The following FAM76A variants were observed in gnomAD, a reference collection of about 807,000 sequenced individuals.
The protein encoded by FAM76A is protein FAM76A.
Under a neutral mutation model 46.2 loss-of-function variants are expected in FAM76A, and 32 were observed. The ratio of observed to expected loss-of-function variants is 0.69; its 90% CI spans 0.52 to 0.93. FAM76A has a LOEUF of 0.93. FAM76A is among the 40% of genes least tolerant of loss of function. The probability of loss-of-function intolerance (pLI) is 0.00; values close to 1 mark genes in which losing one functional copy is unlikely to be tolerated. For synonymous variants in FAM76A, 137 were observed against 127.0 expected (o/e 1.08, Z -0.53); for missense variants, 274 against 361.5 (o/e 0.76, Z 1.96).
At chr1:27,747,407 T>C (rs913989182) in intron 5 of FAM76A, among the ~76,000 whole-genome samples, 3 of 152,234 alleles carry the variant, frequency 2.0e-5, no homozygotes, top group Non-Finnish European at 4.4e-5. Flanking sequence ...GTATCAGTGG[T>C]ATCAAATGCT....
At chr1:27,741,142 AAAC>A (rs1379358189) in intron 4 of FAM76A, among the ~76,000 whole-genome samples, 33 of 151,970 alleles carry the variant, frequency 2.2e-4, no homozygotes, top group East Asian at 3.9e-4. Flanking sequence ...CAAAAAAAAA[AAAC>A]AACAACAATT....
intron 6 of FAM76A, among the ~76,000 whole-genome samples, chr1:27,750,888 A>G (rs2088319805): frequency 6.6e-6 from 1 of 152,228 alleles, no homozygotes; most frequent in African/African-American, 2.4e-5. Flanking sequence ...GATCATTTTG[A>G]CCAGGCACAG....
intron 8 of FAM76A, 96 bp downstream of exon 8, chr1:27,759,723 T>C: frequency 2.3e-6 from 2 of 866,860 alleles, no homozygotes; most frequent in South Asian, 3.4e-5. Context: ...AGATTTCTTT[T>C]TTTTCTCAAA....
At chr1:27,728,509 C>G (rs559163476) in intron 2 of FAM76A, among the ~76,000 whole-genome samples, 2 of 152,136 alleles carry the variant, frequency 1.3e-5, no homozygotes, top group African/African-American at 4.8e-5. Context: ...TGTGCCACCA[C>G]GCCCAGCTAA....
intron 4 of FAM76A, among the ~76,000 whole-genome samples, chr1:27,744,166 G>A (rs1233078191): frequency 6.6e-6 from 1 of 152,144 alleles, no homozygotes; most frequent in East Asian, 1.9e-4. Context: ...GTCACGCTCT[G>A]TTGCCAGGCT....
At chr1:27,758,472 A>C (rs1007994669) in intron 7 of FAM76A, among the ~76,000 whole-genome samples, 1 of 152,134 alleles carries the variant, frequency 6.6e-6, no homozygotes, top group Non-Finnish European at 1.5e-5. Context: ...ACTTGTTTCT[A>C]CTGCTTTGCA....
At chr1:27,758,224 C>T (rs10794504) in intron 7 of FAM76A, among the ~76,000 whole-genome samples, 24,345 of 152,100 alleles carry the variant, frequency 0.16, 5,043 homozygotes, top group African/African-American at 0.48. Context: ...TTAATATGTC[C>T]AAACCACACA....
chr1:27,728,602 G>A (rs554732033), intron 2 of FAM76A, among the ~76,000 whole-genome samples: 4 of 151,824 alleles, frequency 2.6e-5, no homozygotes, highest in East Asian at 1.9e-4. Context: ...TTCCTTCCTC[G>A]TTAGCCTCTC....
At chr1:27,753,291 C>A (rs1260969671) in intron 6 of FAM76A, among the ~76,000 whole-genome samples, 1 of 152,172 alleles carries the variant, frequency 6.6e-6, no homozygotes, top group Non-Finnish European at 1.5e-5. Flanking sequence ...TCACAAGAAG[C>A]AGGAAGGGTA....
At position 27,760,626 on chromosome 1, in the gene FAM76A, A is replaced by G; in HGVS notation, c.*45A>G. 1.4e-6 allele frequency: 2 copies of G among 1,453,180 alleles called. No individual in the cohort carries two copies. Among genetic ancestry groups the G allele is most frequent in the South Asian group, 1.2e-5 (1 of 81,946 alleles). The allele number at this position is 1,453,180 out of a possible 1,614,324, so 90.0% of individuals were successfully genotyped here. A position where few individuals can be genotyped will look rare whatever the true frequency, so the allele number is the denominator to read the frequency against. On this transcript the variant is annotated 3_prime_UTR_variant, in exon 9 of 9. Transcript: ENST00000373954. ...CTAGCAACAGCAAATGGAGTTGTCC[A>G]GGGTTAGGGTTGGAGACCTGGCTGT...
chr1:27,735,200 T>C (rs1351049969), intron 4 of FAM76A, among the ~76,000 whole-genome samples: 2 of 152,222 alleles, frequency 1.3e-5, no homozygotes, highest in African/African-American at 2.4e-5. Context: ...AACTGGCTCC[T>C]CATGTCAGGT....
chr1:27,755,072 G>A (rs1287210241), intron 6 of FAM76A, 123 bp from the exon 7 acceptor site: 2 of 1,059,530 alleles, frequency 1.9e-6, no homozygotes, highest in African/African-American at 3.2e-5. Flanking sequence ...GTGGTGCAAT[G>A]TGCTTGATGC....
At chr1:27,738,865 G>T (rs1302270504) in intron 4 of FAM76A, among the ~76,000 whole-genome samples, 1 of 152,180 alleles carries the variant, frequency 6.6e-6, no homozygotes, top group Non-Finnish European at 1.5e-5. Context: ...AAACTAGGAT[G>T]ATGAAAAGGT....
At position 27,744,728 on chromosome 1, in the gene FAM76A, G is replaced by T. The variant is rs753817236; in HGVS notation, c.429G>T (p.Arg143Ser). The T allele has an allele frequency of 1.5e-5, 25 of 1,614,032 alleles. No individual in the cohort carries two copies. In the Admixed American group the frequency reaches 1.7e-4, roughly 11 times the overall value. ...KRVLQKTKEQ[R>S]KHLSSSSRAG... The stretch of plus-strand genomic sequence containing the variant: ...TCCTTCAGAAGACCAAAGAGCAGAG[G>T]AAACACCTGAGTAGCTCTTCTCGTG... The change falls in exon 5 of 9, where the codon AGG (arginine) becomes AGT (serine). Residue 143 changes from arginine to serine, a missense_variant. By Grantham distance (110) the Arg-to-Ser change is moderately radical. Coordinates refer to ENST00000373954, the MANE Select transcript of FAM76A (RefSeq NM_152660.3).
In FAM76A at chr1:27,759,506, T is replaced by C. The variant is rs1269768095; in HGVS notation, c.736-20T>C. The C allele has an allele frequency of 9.6e-6, 15 of 1,561,952 alleles. No homozygotes were observed. In the East Asian group the frequency reaches 3.4e-4, roughly 35 times the overall value. On this transcript the variant is annotated intron_variant, in intron 7 of 8. Coordinates refer to ENST00000373954, the MANE Select transcript of FAM76A (RefSeq NM_152660.3). ...ATTGCACAGAAATTTCTTCTGGTTA[T>C]TCTGCCTTGTTTCCCTCAGATTACA...
intron 2 of FAM76A, among the ~76,000 whole-genome samples, chr1:27,730,651 C>T (rs981799117): frequency 2.6e-5 from 4 of 152,090 alleles, no homozygotes; most frequent in Non-Finnish European, 5.9e-5. Context: ...TTTGAATGTC[C>T]TTCACTTATT....
intron 6 of FAM76A, among the ~76,000 whole-genome samples, chr1:27,752,259 TA>T (rs1412903813): frequency 3.3e-5 from 5 of 152,224 alleles, no homozygotes; most frequent in Non-Finnish European, 7.3e-5. Flanking sequence ...ATTAGCCTTC[TA>T]TTTTTTTTAG....
chr1:27,749,259 G>T, intron 6 of FAM76A, 105 bp downstream of exon 6: 1 of 641,870 alleles, frequency 1.6e-6, no homozygotes, highest in Non-Finnish European at 2.6e-6. Flanking sequence ...GTGGCTGTCA[G>T]TGAATCTTAT....
Position 27,744,214 on chromosome 1 carries a change from C to T in FAM76A, c.355-440C>T, listed in dbSNP as rs986001781. 5.5e-4 allele frequency among the ~76,000 whole-genome samples: 84 copies of T among 152,108 alleles called. 1 individual carries two copies. The highest frequency in any genetic ancestry group is 9.9e-4 in the African/African-American group (41 of 41,414). On this transcript the variant is annotated intron_variant, in intron 4 of 8. Coordinates refer to ENST00000373954, the MANE Select transcript of FAM76A (RefSeq NM_152660.3). Reference sequence around the variant, plus strand: ...CGCGATCTCGGCTCACCACAACCTCCGCCTCCTGGGTTCAAGCGATTCTTC... The same window carrying T: ...CGCGATCTCGGCTCACCACAACCTCTGCCTCCTGGGTTCAAGCGATTCTTC...
Sources: gnomAD v4.1 joint callset for allele counts (sites outside exome capture counted in the v4.1 genomes callset) on GRCh38, gnomAD v4.1.1 for gene constraint, MANE v1.5 for transcripts, NCBI Gene and HGNC (gene_info 2026-07-23, HGNC 2026-07-21) for gene names.